COL26A1: variants seen among roughly 807,000 people sequenced by gnomAD.
COL26A1 encodes collagen alpha-1(XXVI) chain.
Under a neutral mutation model 59.3 loss-of-function variants are expected in COL26A1, and 41 were observed. That is an observed-to-expected ratio of 0.69 (90% confidence interval 0.54 to 0.90). The LOEUF (loss-of-function observed/expected upper bound fraction) is 0.90. COL26A1 is among the 40% of genes least tolerant of loss of function. The pLI, the probability that COL26A1 is intolerant of heterozygous loss-of-function variation, is 0.00. For missense variants in COL26A1, 612 were observed against 602.3 expected, an observed-to-expected ratio of 1.02 and a Z score of -0.17; for synonymous variants, 266 against 256.0, an observed-to-expected ratio of 1.04 and a Z score of -0.37.
intron 1 of COL26A1, among the ~76,000 whole-genome samples, chr7:101,385,734 T>C (rs1791558206): frequency 6.6e-6 from 1 of 151,896 alleles, no homozygotes; most frequent in African/African-American, 2.4e-5. Flanking sequence ...TTTTTGAGTC[T>C]CACTCTGTCG....
At chr7:101,363,219 G>A (rs1790943719) in intron 1 of COL26A1, 29 bp downstream of exon 1, 1 of 1,321,464 alleles carries the variant, frequency 7.6e-7, no homozygotes, top group Non-Finnish European at 1.0e-6. Flanking sequence ...AGGGGCCGGG[G>A]GGTGGGGGGA....
intron 2 of COL26A1, among the ~76,000 whole-genome samples, chr7:101,444,539 C>T (rs1254688193): frequency 1.3e-5 from 2 of 151,824 alleles, no homozygotes; most frequent in African/African-American, 2.4e-5. Flanking sequence ...GTCAACCTCC[C>T]GAGTAGCTGG....
At chr7:101,433,475 G>A (rs1289081188) in intron 2 of COL26A1, among the ~76,000 whole-genome samples, 1 of 152,140 alleles carries the variant, frequency 6.6e-6, no homozygotes, top group African/African-American at 2.4e-5. Context: ...TGTCCTGGGA[G>A]GTGTTTCCAG....
intron 10 of COL26A1, 95 bp downstream of exon 10, chr7:101,551,238 T>TTTGGGGGGGGGCC: frequency 2.0e-6 from 1 of 491,352 alleles, no homozygotes; most frequent in Non-Finnish European, 4.0e-6. Flanking sequence ...GGTGGGGGGG[T>TTTGGGGGGGGGCC]TCAGCCCTGG....
In COL26A1 at chr7:101,558,285, G is replaced by A. The variant is rs147359877; in HGVS notation, c.*755G>A. On this transcript the variant is annotated 3_prime_UTR_variant, in exon 13 of 13. Transcript: ENST00000313669. ...ATCACTGCCAGCCATACGGACTTGA[G>A]GACCTTGAGAGAGAAGCATTGGGGG... 6.6e-6 allele frequency: 1 copy of A among 152,298 alleles called. No individual in the cohort carries two copies. The highest frequency in any genetic ancestry group is 2.1e-4 in the South Asian group (1 of 4,838). 9.4% of individuals were successfully genotyped at this position (152,298 alleles called of 1,614,324 possible). A position where few individuals can be genotyped will look rare whatever the true frequency, so the allele number is the denominator to read the frequency against.
chr7:101,482,948 T>A (rs1046853546), intron 3 of COL26A1, among the ~76,000 whole-genome samples: 1 of 152,068 alleles, frequency 6.6e-6, no homozygotes, highest in Non-Finnish European at 1.5e-5. Context: ...CAAGTGAGAC[T>A]CTGTCTCAAA....
intron 3 of COL26A1, among the ~76,000 whole-genome samples, chr7:101,476,846 C>CT (rs1794059669): frequency 7.4e-6 from 1 of 135,012 alleles, no homozygotes; most frequent in African/African-American, 3.1e-5. Flanking sequence ...CATGCCCAGC[C>CT]ATTTTTTTTT....
At chr7:101,542,391 G>A (rs1795635969) in intron 5 of COL26A1, among the ~76,000 whole-genome samples, 1 of 152,146 alleles carries the variant, frequency 6.6e-6, no homozygotes, top group Non-Finnish European at 1.5e-5. Flanking sequence ...GTGAGCTAGC[G>A]CACCCAGCCT....
intron 1 of COL26A1, among the ~76,000 whole-genome samples, chr7:101,391,502 A>C (rs1791727578): frequency 6.6e-6 from 1 of 152,162 alleles, no homozygotes; most frequent in Non-Finnish European, 1.5e-5. Context: ...TAGTCCTTCT[A>C]GGTCTTCTCT....
intron 3 of COL26A1, among the ~76,000 whole-genome samples, chr7:101,497,311 A>G (rs1794611707): frequency 6.6e-6 from 1 of 152,192 alleles, no homozygotes; most frequent in African/African-American, 2.4e-5. Flanking sequence ...TCCTGTGTCA[A>G]GTTCACCCTA....
chr7:101,500,268 T>C (rs11761608), intron 3 of COL26A1, among the ~76,000 whole-genome samples: 17,381 of 152,252 alleles, frequency 0.11, 1,051 homozygotes, highest in African/African-American at 0.15. Flanking sequence ...GCAGGACATC[T>C]GTACTTGCTG....
intron 1 of COL26A1, among the ~76,000 whole-genome samples, chr7:101,411,504 T>C (rs1792240306): frequency 6.6e-6 from 1 of 151,888 alleles, no homozygotes; most frequent in Non-Finnish European, 1.5e-5. Flanking sequence ...CGGTGCCTAA[T>C]TGGCCGTAAG....
chr7:101,391,350 GT>G (rs1287911710), intron 1 of COL26A1, among the ~76,000 whole-genome samples: 1 of 152,026 alleles, frequency 6.6e-6, no homozygotes, highest in Non-Finnish European at 1.5e-5. Context: ...GGGCCTGATT[GT>G]ATCTGATCTG....
chr7:101,483,679 G>T (rs1971531), intron 3 of COL26A1, among the ~76,000 whole-genome samples: 83,875 of 147,836 alleles, frequency 0.57, 26,815 homozygotes, highest in African/African-American at 0.88. Flanking sequence ...AGCTAACTTT[G>T]TTTTTTTTTT....
At chr7:101,437,741 A>T (rs969909052) in intron 2 of COL26A1, among the ~76,000 whole-genome samples, 2 of 139,354 alleles carry the variant, frequency 1.4e-5, no homozygotes, top group African/African-American at 5.3e-5. Flanking sequence ...CACCCCACTA[A>T]TTTTTTTTTT....
At chr7:101,479,651 A>G (rs937236983) in intron 3 of COL26A1, among the ~76,000 whole-genome samples, 2 of 152,202 alleles carry the variant, frequency 1.3e-5, no homozygotes, top group African/African-American at 4.8e-5. Flanking sequence ...TCCTTGATAC[A>G]TGAGGATCCA....
chr7:101,500,917 C>T (rs1014848115), intron 3 of COL26A1, among the ~76,000 whole-genome samples: 2 of 152,040 alleles, frequency 1.3e-5, no homozygotes, highest in African/African-American at 4.8e-5. Context: ...CGGGCGGTGG[C>T]TCACGCCTGT....
intron 11 of COL26A1, 32 bp from the exon 12 acceptor site, chr7:101,555,755 G>T (rs115918422): frequency 1.3e-6 from 2 of 1,567,686 alleles, no homozygotes; most frequent in Non-Finnish European, 1.7e-6. Flanking sequence ...CCTCATGGCC[G>T]GCCCTGACCC....
chr7:101,375,989 GAAA>G (rs35433251), intron 1 of COL26A1, among the ~76,000 whole-genome samples: 68 of 122,768 alleles, frequency 5.5e-4, no homozygotes, highest in Admixed American at 1.3e-3. Context: ...CCATCTCAAA[GAAA>G]AAAAAAAAAA....
Sources: allele counts gnomAD v4.1 joint callset (sites outside exome capture counted in the v4.1 genomes callset), GRCh38; gene constraint gnomAD v4.1.1; transcripts MANE v1.5; gene names NCBI Gene and HGNC (gene_info 2026-07-23, HGNC 2026-07-21).